Variants in ERC2 observed in about 807,000 individuals in gnomAD.
ERC2 encodes the protein ERC protein 2.
In ERC2, 42 loss-of-function variants were observed where a neutral mutation model predicts 114.8. The observed-to-expected ratio is 0.37, with a 90% CI of 0.29 to 0.47. The LOEUF is 0.47. Among genes scored for constraint, ERC2 ranks in the 20% least tolerant of loss-of-function variants. ERC2 has a pLI of 0.99. For synonymous variants in ERC2, 454 were observed against 425.5 expected (o/e 1.07, Z -0.82); for missense variants, 939 against 1,150.7 (o/e 0.82, Z 2.66).
intron 2 of ERC2, among the ~76,000 whole-genome samples, chr3:56,395,366 T>C (rs908543699): frequency 2.0e-5 from 3 of 152,178 alleles, no homozygotes; most frequent in Non-Finnish European, 4.4e-5. Flanking sequence ...AGGTACCTTA[T>C]CTCCAATCTT....
chr3:55,582,873 GA>G (rs2057329183), intron 17 of ERC2, among the ~76,000 whole-genome samples: 1 of 152,224 alleles, frequency 6.6e-6, no homozygotes, highest in South Asian at 2.1e-4. Context: ...GCATGGTGGT[GA>G]AGAATACGGG....
Position 55,789,564 on chromosome 3 carries a change from G to T in ERC2, c.2565-54646C>A, listed in dbSNP as rs80107984. 6.8e-3 allele frequency among the ~76,000 whole-genome samples: 1,030 copies of T among 152,286 alleles called. 9 individuals carry two copies. Among genetic ancestry groups the T allele is most frequent in the African/African-American group, 0.023 (971 of 41,550 alleles). ...AACCCAATACATAATCTAATTTAAA[G>T]AAACCATTAAGTGCAAATGAAAGAA... On this transcript the variant is annotated intron_variant, in intron 14 of 17. Coordinates refer to ENST00000288221, the MANE Select transcript of ERC2 (RefSeq NM_015576.3).
intron 14 of ERC2, among the ~76,000 whole-genome samples, chr3:55,878,405 C>T (rs2062965849): frequency 6.6e-6 from 1 of 152,112 alleles, no homozygotes. Context: ...CCCTTCCTCC[C>T]ACCATCTCCC....
intron 17 of ERC2, among the ~76,000 whole-genome samples, chr3:55,597,626 C>G (rs1157144597): frequency 6.6e-6 from 1 of 152,138 alleles, no homozygotes; most frequent in Non-Finnish European, 1.5e-5. Context: ...CTTCATGCAA[C>G]TTACTAGTTT....
chr3:55,695,812 A>G (rs2062897796), intron 16 of ERC2, among the ~76,000 whole-genome samples: 2 of 152,340 alleles, frequency 1.3e-5, no homozygotes, highest in East Asian at 3.9e-4. Context: ...AATATTTCTT[A>G]CAGCACAGAT....
intron 1 of ERC2, among the ~76,000 whole-genome samples, chr3:56,453,177 C>G (rs2062901959): frequency 6.6e-6 from 1 of 152,202 alleles, no homozygotes; most frequent in South Asian, 2.1e-4. Context: ...CTTTCCTGCT[C>G]CAATGACATC....
intron 3 of ERC2, among the ~76,000 whole-genome samples, chr3:56,190,110 A>G (rs1422746768): frequency 1.3e-5 from 2 of 152,212 alleles, no homozygotes; most frequent in African/African-American, 2.4e-5. Flanking sequence ...TAAAGGCTGT[A>G]TCTAAAAAAT....
chr3:55,552,191 G>A (rs1404312553), intron 17 of ERC2, among the ~76,000 whole-genome samples: 1 of 152,164 alleles, frequency 6.6e-6, no homozygotes, highest in Non-Finnish European at 1.5e-5. Flanking sequence ...TGATTTGTGA[G>A]ACAATTTCCA....
At chr3:56,215,553 G>A (rs4585163) in intron 3 of ERC2, among the ~76,000 whole-genome samples, 135,391 of 152,130 alleles carry the variant, frequency 0.89, 61,345 homozygotes, top group East Asian at 1. Context: ...GGGAGAGTTT[G>A]ACACCCCACT....
rs2051899469 is a variant in ERC2, at chr3:55,508,608, A to G, written c.*2708T>C. 6.6e-6 allele frequency: 1 copy of G among 152,620 alleles called. No homozygotes were observed. Among genetic ancestry groups the G allele is most frequent in the South Asian group, 2.1e-4 (1 of 4,814 alleles). The allele number at this position is 152,620 out of a possible 1,614,324, so 9.5% of individuals were successfully genotyped here. On this transcript the variant is annotated 3_prime_UTR_variant, in exon 18 of 18. Coordinates refer to ENST00000288221, the MANE Select transcript of ERC2 (RefSeq NM_015576.3). ...TATCAAACGAGGGTCTCGGGGAATT[A>G]GATACACTGACCCTGGGCAGCATTC...
At chr3:56,457,897 C>T (rs1379067636) in intron 1 of ERC2, among the ~76,000 whole-genome samples, 3 of 152,200 alleles carry the variant, frequency 2.0e-5, no homozygotes, top group Non-Finnish European at 4.4e-5. Flanking sequence ...ATCCATGACT[C>T]TCCTAAGTCT....
At chr3:56,413,846 C>G (rs988418293) in intron 2 of ERC2, among the ~76,000 whole-genome samples, 1 of 152,188 alleles carries the variant, frequency 6.6e-6, no homozygotes, top group African/African-American at 2.4e-5. Context: ...AACCACCAAT[C>G]TGTTGTTGTT....
chr3:55,539,130 A>G (rs1187262611), intron 17 of ERC2, among the ~76,000 whole-genome samples: 2 of 152,182 alleles, frequency 1.3e-5, no homozygotes, highest in African/African-American at 4.8e-5. Flanking sequence ...AAGTGGGTCC[A>G]TTCATTATTT....
intron 6 of ERC2, among the ~76,000 whole-genome samples, chr3:56,131,475 C>T (rs552701513): frequency 6.6e-6 from 1 of 152,148 alleles, no homozygotes; most frequent in South Asian, 2.1e-4. Context: ...TTGTTGTATG[C>T]TACTAACTTT....
chr3:56,030,747 T>C (rs759228950), intron 7 of ERC2, among the ~76,000 whole-genome samples: 2 of 152,346 alleles, frequency 1.3e-5, no homozygotes, highest in South Asian at 2.1e-4. Flanking sequence ...TGTCTATGCA[T>C]GAATAATCTT....
chr3:55,990,430 G>T (rs940891507), intron 11 of ERC2, among the ~76,000 whole-genome samples: 5 of 152,086 alleles, frequency 3.3e-5, no homozygotes, highest in Non-Finnish European at 7.4e-5. Context: ...AGACAAAGTT[G>T]AGATTTTTTT....
In ERC2 at chr3:56,305,402, G is replaced by A. The variant is rs112493587; in HGVS notation, c.658-8967C>T. Among the ~76,000 whole-genome samples, 1,168 of 151,868 alleles carry A rather than the reference G, an allele frequency of 7.7e-3. 23 individuals are homozygous for A. The highest frequency in any genetic ancestry group is 0.027 in the African/African-American group (1,111 of 41,388). On this transcript the variant is annotated intron_variant, in intron 2 of 17. Transcript: ENST00000288221. ...AGGCATTTCACAGAACAGGAAATACGATCAGCCAATAAACATATGAAAAGA... is the reference window on the plus strand; with the variant it reads ...AGGCATTTCACAGAACAGGAAATACAATCAGCCAATAAACATATGAAAAGA...
intron 3 of ERC2, among the ~76,000 whole-genome samples, chr3:56,174,593 G>T (rs2150027714): frequency 6.6e-6 from 1 of 152,228 alleles, no homozygotes. Context: ...TAAAAAAGAG[G>T]ATCAATATCA....
intron 2 of ERC2, among the ~76,000 whole-genome samples, chr3:56,426,302 G>C (rs13433818): frequency 1.3e-5 from 2 of 152,172 alleles, no homozygotes; most frequent in Non-Finnish European, 2.9e-5. Flanking sequence ...AGGCCCAGAC[G>C]TGGAAGGAAC....
Sources: gnomAD v4.1 joint callset for allele counts (sites outside exome capture counted in the v4.1 genomes callset) on GRCh38, gnomAD v4.1.1 for gene constraint, MANE v1.5 for transcripts, NCBI Gene and HGNC (gene_info 2026-07-23, HGNC 2026-07-21) for gene names.